Variants in RPS6KC1 observed in about 807,000 individuals in gnomAD.
RPS6KC1 encodes ribosomal protein S6 kinase C1, also known as inactive ribosomal protein S6 kinase delta-1.
In RPS6KC1, 54 loss-of-function variants were observed where a neutral mutation model predicts 103.8. The ratio of observed to expected loss-of-function variants is 0.52; its 90% CI spans 0.42 to 0.65. RPS6KC1 has a LOEUF of 0.65. Ranked by LOEUF, RPS6KC1 falls within the 30% of genes least tolerant of loss-of-function variation. RPS6KC1 has a pLI of 0.00. For synonymous variants in RPS6KC1, 439 were observed against 438.7 expected, an observed-to-expected ratio of 1.00 and a Z score of -0.01; for missense variants, 1,151 against 1,253.8, an observed-to-expected ratio of 0.92 and a Z score of 1.24.
At chr1:213,837,248 C>G in the RPS6KC1 span, 1 of 152,126 alleles carries the variant, frequency 6.6e-6, no homozygotes, top group South Asian at 2.1e-4. Context: ...TACAGTAACC[C>G]TCTAAGGCAA....
At chr1:213,779,225 C>T in the RPS6KC1 span, among the ~76,000 whole-genome samples, 3 of 152,188 alleles carry the variant, frequency 2.0e-5, no homozygotes, top group Admixed American at 1.3e-4. Context: ...CATTATGCCA[C>T]GGCCCTGAGT....
chr1:213,319,754 A>G, the RPS6KC1 span, among the ~76,000 whole-genome samples: 2,046 of 152,266 alleles, frequency 0.013, 76 homozygotes, highest in East Asian at 0.1. Flanking sequence ...TGCGTCTCCT[A>G]ATTTGAGCCC....
the RPS6KC1 span, among the ~76,000 whole-genome samples, chr1:213,414,984 G>A: frequency 3.9e-5 from 6 of 152,294 alleles, no homozygotes; most frequent in Middle Eastern, 3.4e-3. Context: ...AGGCCAGAGG[G>A]CTTAGCACTG....
the RPS6KC1 span, among the ~76,000 whole-genome samples, chr1:213,450,981 A>T: frequency 6.6e-6 from 1 of 152,182 alleles, no homozygotes; most frequent in East Asian, 1.9e-4. Flanking sequence ...TTCAAAAAAA[A>T]AAGAAAGAAA....
chr1:213,374,912 G>A, the RPS6KC1 span, among the ~76,000 whole-genome samples: 3 of 152,162 alleles, frequency 2.0e-5, no homozygotes, highest in Non-Finnish European at 2.9e-5. Context: ...TTTAAAAGGC[G>A]AACAGTTTCC....
chr1:213,099,147 G>C (rs1353425373), intron 3 of RPS6KC1, among the ~76,000 whole-genome samples: 1 of 152,160 alleles, frequency 6.6e-6, no homozygotes, highest in Non-Finnish European at 1.5e-5. Context: ...TCTGCCATTA[G>C]GATGACTGTT....
At chr1:213,773,130 G>T in the RPS6KC1 span, among the ~76,000 whole-genome samples, 2 of 152,068 alleles carry the variant, frequency 1.3e-5, no homozygotes, top group Non-Finnish European at 2.9e-5. Flanking sequence ...TAGGGGCAGG[G>T]AGCCATCGCA....
the RPS6KC1 span, among the ~76,000 whole-genome samples, chr1:213,588,679 G>T: frequency 6.6e-6 from 1 of 152,134 alleles, no homozygotes; most frequent in Non-Finnish European, 1.5e-5. Context: ...ACAATAGCAA[G>T]GGGTGACATC....
chr1:213,386,563 C>T, the RPS6KC1 span, among the ~76,000 whole-genome samples: 10 of 152,176 alleles, frequency 6.6e-5, no homozygotes, highest in Non-Finnish European at 1.0e-4. Context: ...CTCACCATTG[C>T]GGCTTGAAGA....
chr1:213,771,217 G>A, the RPS6KC1 span, among the ~76,000 whole-genome samples: 1 of 152,098 alleles, frequency 6.6e-6, no homozygotes, highest in Non-Finnish European at 1.5e-5. Context: ...CCCTTTCCAG[G>A]AAAGAGTGAG....
chr1:213,862,175 T>C, the RPS6KC1 span, among the ~76,000 whole-genome samples: 62 of 152,314 alleles, frequency 4.1e-4, 1 homozygote, highest in African/African-American at 1.4e-3. Context: ...GTAGTCCTAA[T>C]AAGGCCCAGC....
the RPS6KC1 span, among the ~76,000 whole-genome samples, chr1:213,602,136 T>TTC: frequency 2.6e-4 from 19 of 73,466 alleles, 1 homozygote; most frequent in Non-Finnish European, 4.9e-4. Flanking sequence ...CTTTCTTTCT[T>TTC]TCTTTCTTTC....
At chr1:213,601,359 A>G in the RPS6KC1 span, among the ~76,000 whole-genome samples, 3 of 147,936 alleles carry the variant, frequency 2.0e-5, no homozygotes, top group Non-Finnish European at 4.5e-5. Context: ...ATATATATAA[A>G]TTTATAAACA....
chr1:213,556,179 A>G, the RPS6KC1 span, among the ~76,000 whole-genome samples: 334 of 152,344 alleles, frequency 2.2e-3, 4 homozygotes, highest in Middle Eastern at 3.4e-3. Flanking sequence ...TTGGGATTTT[A>G]AGACAAGAGT....
At chr1:213,835,137 AGGAGCTAGTCATGGAAGCATCT>A in the RPS6KC1 span, among the ~76,000 whole-genome samples, 2 of 152,214 alleles carry the variant, frequency 1.3e-5, no homozygotes, top group African/African-American at 4.8e-5. Flanking sequence ...CATGACAAGA[AGGAGCTAGTCATGGAAGCATCT>A]GGAGCAGGAG....
chr1:213,567,815 A>G, the RPS6KC1 span, among the ~76,000 whole-genome samples: 13 of 152,228 alleles, frequency 8.5e-5, no homozygotes, highest in Admixed American at 2.0e-4. Context: ...AATGATTCCA[A>G]TGTATAGGCT....
chr1:213,808,807 GC>G, the RPS6KC1 span, among the ~76,000 whole-genome samples: 1 of 152,196 alleles, frequency 6.6e-6, no homozygotes, highest in Non-Finnish European at 1.5e-5. Flanking sequence ...CCACTGTCTG[GC>G]ACTCCCTAGT....
chr1:213,622,212 C>T, the RPS6KC1 span, among the ~76,000 whole-genome samples: 3 of 150,144 alleles, frequency 2.0e-5, no homozygotes, highest in South Asian at 6.4e-4. Context: ...TTAGGCATTA[C>T]CCTGCTCGGG....
the RPS6KC1 span, among the ~76,000 whole-genome samples, chr1:213,602,120 C>CTCTCTCTCTCTCTCTCTTTCTT: frequency 3.9e-4 from 2 of 5,154 alleles, no homozygotes; most frequent in African/African-American, 1.3e-3. Context: ...TTCTTTCTTT[C>CTCTCTCTCTCTCTCTCTTTCTT]TCTTTCTTTC....
Sources: allele counts gnomAD v4.1 joint callset (sites outside exome capture counted in the v4.1 genomes callset), GRCh38; gene constraint gnomAD v4.1.1; transcripts MANE v1.5; gene names NCBI Gene and HGNC (gene_info 2026-07-23, HGNC 2026-07-21).